Variants in MIB1 observed in about 807,000 individuals in gnomAD.
The protein encoded by MIB1 is MIB E3 ubiquitin protein ligase 1.
In MIB1, 278 loss-of-function variants were observed where a neutral mutation model predicts 124.5. The observed-to-expected ratio is 2.23, with a 90% CI of 2.02 to 2.47. The LOEUF is 2.47. Among genes scored for constraint, MIB1 ranks in the 30% most tolerant of loss-of-function variants. The pLI is 0.00. For missense variants in MIB1, 957 were observed against 1,254.4 expected (o/e 0.76, Z 3.58); for synonymous variants, 446 against 429.4 (o/e 1.04, Z -0.48).
At chr18:21,834,022 A>G (rs139381814) in intron 12 of MIB1, among the ~76,000 whole-genome samples, 2 of 152,302 alleles carry the variant, frequency 1.3e-5, no homozygotes, top group East Asian at 3.9e-4. Context: ...TCGAGCTGGT[A>G]ACACCTTTTT....
intron 1 of MIB1, among the ~76,000 whole-genome samples, chr18:21,761,370 C>T (rs1390009438): frequency 1.3e-5 from 2 of 152,048 alleles, no homozygotes; most frequent in Non-Finnish European, 2.9e-5. Context: ...CCAACAGTAA[C>T]AATCCATTTA....
intron 1 of MIB1, among the ~76,000 whole-genome samples, chr18:21,729,305 G>C (rs1049084090): frequency 2.6e-5 from 4 of 152,136 alleles, no homozygotes; most frequent in Non-Finnish European, 5.9e-5. Flanking sequence ...ACCTTAGACT[G>C]GGTAATTTAT....
In MIB1 at chr18:21,864,541, T is replaced by A; in HGVS notation, c.2896T>A (p.Cys966Ser). Residue 966 changes from cysteine (C) to serine (S), a missense_variant, in exon 21 of 21, where the codon TGT (cysteine) becomes AGT (serine). Coordinates refer to ENST00000261537, the MANE Select transcript of MIB1 (RefSeq NM_020774.4). ...DIKEQTMCPV[C>S]LDRLKNMIFL... The stretch of plus-strand genomic sequence containing the variant: ...CACATTACAGACAATGTGCCCTGTG[T>A]GTCTAGATCGTCTGAAGAATATGAT... The A allele has an allele frequency of 1.2e-6, 2 of 1,612,978 alleles. No homozygotes were observed. The highest frequency in any genetic ancestry group is 1.7e-6 in the Non-Finnish European group (2 of 1,179,052).
At position 21,803,936 on chromosome 18, in the gene MIB1, T is replaced by G. The variant is rs1420069649; in HGVS notation, c.1401T>G (p.Ala467=). ...DVNGQCAGHT[A]MQAASQNGHV... The stretch of plus-strand genomic sequence containing the variant: ...ATGGGCAATGTGCTGGCCACACAGC[T>G]ATGCAAGCTGCTAGTCAGAATGGAC... The change falls in exon 10 of 21, where the codon GCT becomes GCG. Residue 467 remains alanine (A), a synonymous_variant. Transcript: ENST00000261537. 2.5e-6 allele frequency: 4 copies of G among 1,613,746 alleles called. No individual in the cohort carries two copies. The highest frequency in any genetic ancestry group is 3.4e-6 in the Non-Finnish European group (4 of 1,179,774).
At chr18:21,771,864 G>A (rs1198403594) in intron 3 of MIB1, among the ~76,000 whole-genome samples, 1 of 152,014 alleles carries the variant, frequency 6.6e-6, no homozygotes, top group Non-Finnish European at 1.5e-5. Context: ...GCCGGGCATG[G>A]TGGTGGGCAC....
chr18:21,858,322 A>G (rs1157939549), intron 19 of MIB1, among the ~76,000 whole-genome samples: 4 of 152,216 alleles, frequency 2.6e-5, no homozygotes, highest in Non-Finnish European at 2.9e-5. Context: ...TGAGATAAAT[A>G]TAATTAGAAA....
At position 21,803,948 on chromosome 18, in the gene MIB1, T is replaced by C. The variant is rs2041677364; in HGVS notation, c.1413T>C (p.Ala471=). Residue 471 remains alanine, a synonymous_variant, in exon 10 of 21, where the codon GCT becomes GCC. Transcript: ENST00000261537. ...QCAGHTAMQA[A]SQNGHVDILK... is the part of the protein sequence containing the mutation. Reference sequence around the variant, plus strand: ...CTGGCCACACAGCTATGCAAGCTGCTAGTCAGAATGGACATGTTGACATTT... The same window carrying C: ...CTGGCCACACAGCTATGCAAGCTGCCAGTCAGAATGGACATGTTGACATTT... 6.2e-7 allele frequency: 1 copy of C among 1,613,866 alleles called. No individual in the cohort carries two copies. Among genetic ancestry groups the C allele is most frequent in the Admixed American group, 1.7e-5 (1 of 60,026 alleles).
chr18:21,757,154 A>G (rs1228612103), intron 1 of MIB1, among the ~76,000 whole-genome samples: 2 of 149,326 alleles, frequency 1.3e-5, no homozygotes, highest in African/African-American at 5.1e-5. Context: ...ACATTAACTT[A>G]AAAAAGACAG....
intron 20 of MIB1, among the ~76,000 whole-genome samples, chr18:21,860,409 C>T (rs542576210): frequency 1.1e-3 from 163 of 151,986 alleles, no homozygotes; most frequent in African/African-American, 3.7e-3. Context: ...CTGTTCTTTA[C>T]GTCTTATATA....
chr18:21,843,067 A>T (rs2042105383), intron 13 of MIB1, 64 bp from the exon 14 acceptor site: 1 of 1,158,636 alleles, frequency 8.6e-7, no homozygotes, highest in Non-Finnish European at 1.3e-6. Flanking sequence ...ATGAGTAGTT[A>T]TAGTTTTCAT....
At chr18:21,721,238 T>C (rs1031432986) in intron 1 of MIB1, among the ~76,000 whole-genome samples, 2 of 131,780 alleles carry the variant, frequency 1.5e-5, no homozygotes, top group African/African-American at 2.8e-5. Context: ...TGGAGTGCGA[T>C]GGTGCGATCT....
intron 3 of MIB1, among the ~76,000 whole-genome samples, chr18:21,770,030 C>T (rs1287552050): frequency 1.3e-5 from 2 of 152,048 alleles, no homozygotes; most frequent in African/African-American, 4.8e-5. Flanking sequence ...ATGGTGAGAC[C>T]CTGTCTCCAC....
In MIB1 at chr18:21,741,418, C is replaced by T. The variant is rs1329896856; in HGVS notation, c.-166C>T. ...AGCTGGGCAGCGGCTTTGGGCTCCG[C>T]GGGGACCGCGCCGCCGCCCCCGTGA... On this transcript the variant is annotated 5_prime_UTR_variant, in exon 1 of 21. Transcript: ENST00000261537. The surrounding 1 kb of genome is among the most constrained non-coding windows in gnomAD (Gnocchi z 5.4). 6.7e-6 allele frequency: 2 copies of T among 297,106 alleles called. No homozygotes were observed. Among genetic ancestry groups the T allele is most frequent in the Non-Finnish European group, 1.2e-5 (2 of 172,598 alleles). The allele number at this position is 297,106 out of a possible 1,614,324, so 18.4% of individuals were successfully genotyped here. A position where few individuals can be genotyped will look rare whatever the true frequency, so the allele number is the denominator to read the frequency against.
At chr18:21,710,811 T>A (rs2040662130) in intron 1 of MIB1, among the ~76,000 whole-genome samples, 3 of 151,786 alleles carry the variant, frequency 2.0e-5, no homozygotes, top group Admixed American at 6.6e-5. Context: ...ATATGCTAGT[T>A]TAACATAATT....
chr18:21,824,208 A>G (rs529331022), intron 12 of MIB1, among the ~76,000 whole-genome samples: 7 of 152,318 alleles, frequency 4.6e-5, no homozygotes, highest in Admixed American at 3.3e-4. Context: ...CTGATGTGAT[A>G]TATGTTGTTT....
chr18:21,866,456 A>T lies in MIB1; in HGVS notation c.*1790A>T, dbSNP rs140548107. ...AAAAAGGTAGAACATCTGACTGATG[A>T]TGTTCACATAAAGAGACAGACAGAC... is the stretch of plus-strand genomic sequence containing the variant. On this transcript the variant is annotated 3_prime_UTR_variant, in exon 21 of 21. Coordinates refer to ENST00000261537, the MANE Select transcript of MIB1 (RefSeq NM_020774.4). The T allele has an allele frequency of 6.6e-6, 1 of 152,326 alleles. No homozygotes were observed. Among genetic ancestry groups the T allele is most frequent in the East Asian group, 1.9e-4 (1 of 5,180 alleles). The allele number at this position is 152,326 out of a possible 1,614,324, so 9.4% of individuals were successfully genotyped here.
intron 1 of MIB1, among the ~76,000 whole-genome samples, chr18:21,706,627 G>C (rs886593867): frequency 6.6e-6 from 1 of 152,146 alleles, no homozygotes; most frequent in South Asian, 2.1e-4. Flanking sequence ...GGCTGGCACC[G>C]CCGGCCCTGG....
At chr18:21,732,351 TACACACAC>T (rs59731612) in intron 1 of MIB1, among the ~76,000 whole-genome samples, 1,801 of 141,028 alleles carry the variant, frequency 0.013, 53 homozygotes, top group African/African-American at 0.042. Flanking sequence ...ATTATATGTA[TACACACAC>T]ACACACACAC....
intron 1 of MIB1, among the ~76,000 whole-genome samples, chr18:21,722,334 A>T (rs571334627): frequency 6.6e-6 from 1 of 151,518 alleles, no homozygotes; most frequent in Non-Finnish European, 1.5e-5. Flanking sequence ...GATTACAGGC[A>T]TGAGCCACCA....
Sources: allele counts gnomAD v4.1 joint callset (sites outside exome capture counted in the v4.1 genomes callset), GRCh38; gene constraint gnomAD v4.1.1; non-coding constraint Gnocchi (gnomAD v3.1); transcripts MANE v1.5; gene names NCBI Gene and HGNC (gene_info 2026-07-23, HGNC 2026-07-21).